Variants in DIAPH3 observed in about 807,000 individuals in gnomAD.
DIAPH3 encodes the protein diaphanous related formin 3, also known as protein diaphanous homolog 3.
A neutral mutation model predicts 144.3 loss-of-function variants in DIAPH3; 117 were observed. The ratio of observed to expected loss-of-function variants is 0.81; its 90% CI spans 0.70 to 0.95. DIAPH3 has a LOEUF of 0.95. Ranked by LOEUF, DIAPH3 falls within the 40% of genes least tolerant of loss-of-function variation. The probability of loss-of-function intolerance (pLI) is 0.00; values close to 1 mark genes in which losing one functional copy is unlikely to be tolerated. For missense variants in DIAPH3, 1,421 were observed against 1,412.7 expected (o/e 1.01, Z -0.09); for synonymous variants, 519 against 488.9 (o/e 1.06, Z -0.81).
intron 27 of DIAPH3, among the ~76,000 whole-genome samples, chr13:59,678,271 A>C (rs1566173125): frequency 6.6e-6 from 1 of 152,164 alleles, no homozygotes; most frequent in Non-Finnish European, 1.5e-5. Flanking sequence ...TCATTATGAA[A>C]TCTTAAACTA....
At chr13:59,970,194 G>A (rs942334885) in intron 16 of DIAPH3, 136 bp from the exon 17 acceptor site, 32 of 461,614 alleles carry the variant, frequency 6.9e-5, no homozygotes, top group African/African-American at 6.3e-4. Flanking sequence ...TTTCCCTGAA[G>A]TGTGTTCAAT....
chr13:59,953,670 G>C (rs2049221042), intron 17 of DIAPH3, among the ~76,000 whole-genome samples: 1 of 152,196 alleles, frequency 6.6e-6, no homozygotes, highest in South Asian at 2.1e-4. Flanking sequence ...AGTAAACGAT[G>C]TGTAGAGCAG....
At chr13:59,863,989 A>T (rs2043760064) in intron 21 of DIAPH3, among the ~76,000 whole-genome samples, 1 of 152,162 alleles carries the variant, frequency 6.6e-6, no homozygotes, top group Non-Finnish European at 1.5e-5. Context: ...TTTTACTCTA[A>T]AAATGTTAAG....
At chr13:60,111,598 T>A (rs1008858502) in intron 3 of DIAPH3, among the ~76,000 whole-genome samples, 1 of 152,180 alleles carries the variant, frequency 6.6e-6, no homozygotes, top group Non-Finnish European at 1.5e-5. Flanking sequence ...ACGCTTCTTA[T>A]GAGCATCTAA....
chr13:59,794,832 C>G (rs1370832804), intron 25 of DIAPH3, among the ~76,000 whole-genome samples: 3 of 152,162 alleles, frequency 2.0e-5, no homozygotes, highest in African/African-American at 7.2e-5. Flanking sequence ...CTTCTTTAAA[C>G]ATTTTGGAAT....
intron 27 of DIAPH3, among the ~76,000 whole-genome samples, chr13:59,736,878 C>T (rs1566240974): frequency 6.6e-6 from 1 of 152,092 alleles, no homozygotes; most frequent in East Asian, 1.9e-4. Flanking sequence ...CTTTGATAAA[C>T]CTGACAAAAA....
intron 2 of DIAPH3, among the ~76,000 whole-genome samples, chr13:60,128,355 G>T (rs1566803568): frequency 6.6e-6 from 1 of 152,098 alleles, no homozygotes; most frequent in Non-Finnish European, 1.5e-5. Context: ...ATTGTAAATA[G>T]TGCTGCAATG....
chr13:60,025,967 G>A (rs1427695751), intron 5 of DIAPH3, among the ~76,000 whole-genome samples: 1 of 152,170 alleles, frequency 6.6e-6, no homozygotes, highest in Non-Finnish European at 1.5e-5. Context: ...CAATCTTGAA[G>A]TGGAATGATG....
chr13:60,140,469 A>G (rs1274581620), intron 1 of DIAPH3, among the ~76,000 whole-genome samples: 1 of 152,220 alleles, frequency 6.6e-6, no homozygotes, highest in Admixed American at 6.5e-5. Context: ...TCACAGTCCT[A>G]CCAATATGAA....
intron 7 of DIAPH3, among the ~76,000 whole-genome samples, chr13:60,015,144 T>C (rs2053554007): frequency 6.6e-6 from 1 of 152,130 alleles, no homozygotes; most frequent in Admixed American, 6.5e-5. Context: ...TGCAGGCATG[T>C]GCCGCCATGC....
At chr13:59,769,881 T>A (rs567279639) in intron 27 of DIAPH3, among the ~76,000 whole-genome samples, 175 of 152,228 alleles carry the variant, frequency 1.1e-3, no homozygotes, top group African/African-American at 4.1e-3. Flanking sequence ...AAAGAGGAGA[T>A]TTTACTATTT....
intron 21 of DIAPH3, among the ~76,000 whole-genome samples, chr13:59,864,484 AC>A (rs78222795): frequency 0.017 from 2,630 of 152,070 alleles, 65 homozygotes; most frequent in East Asian, 0.098. Flanking sequence ...ATCACCATCT[AC>A]CTTCACAATT....
chr13:60,001,369 C>A (rs1478355924), intron 9 of DIAPH3, among the ~76,000 whole-genome samples: 1 of 152,190 alleles, frequency 6.6e-6, no homozygotes, highest in Non-Finnish European at 1.5e-5. Context: ...CAACCCCATT[C>A]CAACTCCCAT....
intron 4 of DIAPH3, among the ~76,000 whole-genome samples, chr13:60,084,056 AGAT>A (rs1355677701): frequency 1.5e-4 from 22 of 151,082 alleles, no homozygotes; most frequent in South Asian, 8.4e-4. Context: ...ATAGATAGAT[AGAT>A]AGAAAGAATA....
chr13:59,718,720 T>C (rs2035189182), intron 27 of DIAPH3, among the ~76,000 whole-genome samples: 1 of 152,206 alleles, frequency 6.6e-6, no homozygotes, highest in Non-Finnish European at 1.5e-5. Context: ...AGGAAAAATG[T>C]AATATTTCTT....
In DIAPH3 at chr13:59,665,912, AC is replaced by A. The variant is rs2031984133; in HGVS notation, c.*671del. 6.6e-6 allele frequency: 1 copy of A among 152,350 alleles called. No homozygotes were observed. Among genetic ancestry groups the A allele is most frequent in the Non-Finnish European group, 1.5e-5 (1 of 68,044 alleles). The allele number at this position is 152,350 out of a possible 1,614,324, so 9.4% of individuals were successfully genotyped here. ...GTTTACATCCACGTTACACAAAAGC[AC>A]ATGCATTTGGCAAAGAGAGTGCATA... On this transcript the variant is annotated 3_prime_UTR_variant, in exon 28 of 28. Coordinates refer to ENST00000400324, the MANE Select transcript of DIAPH3 (RefSeq NM_001042517.2).
In DIAPH3 at chr13:59,951,310, T is replaced by C. The variant is rs577224515; in HGVS notation, c.2074+18634A>G. On this transcript the variant is annotated intron_variant, in intron 17 of 27. Transcript: ENST00000400324. ...CGCTCAGCACTTCTTCCTGACATCATGTGAAGGACGTGTTTGCTTCCCCTT... is the reference window on the plus strand; with the variant it reads ...CGCTCAGCACTTCTTCCTGACATCACGTGAAGGACGTGTTTGCTTCCCCTT... 7.2e-5 allele frequency among the ~76,000 whole-genome samples: 11 copies of C among 152,268 alleles called. 1 individual carries two copies. In the South Asian group the frequency reaches 2.3e-3, roughly 32 times the overall value.
At chr13:60,152,646 T>A (rs1294393849) in intron 1 of DIAPH3, among the ~76,000 whole-genome samples, 1 of 151,888 alleles carries the variant, frequency 6.6e-6, no homozygotes, top group Non-Finnish European at 1.5e-5. Context: ...AACATTTCAA[T>A]GGAATTTATG....
chr13:59,871,002 T>C (rs2139999896), intron 21 of DIAPH3, among the ~76,000 whole-genome samples: 1 of 152,264 alleles, frequency 6.6e-6, no homozygotes, highest in East Asian at 1.9e-4. Context: ...CTTATATGTA[T>C]TTTGTTAGAT....
Sources: gnomAD v4.1 joint callset for allele counts (sites outside exome capture counted in the v4.1 genomes callset) on GRCh38, gnomAD v4.1.1 for gene constraint, MANE v1.5 for transcripts, NCBI Gene and HGNC (gene_info 2026-07-23, HGNC 2026-07-21) for gene names.